RELL1: variants seen among roughly 807,000 people sequenced by gnomAD.
The protein encoded by RELL1 is RELT like 1.
In RELL1, 10 loss-of-function variants were observed where a neutral mutation model predicts 23.0. That is an observed-to-expected ratio of 0.43 (90% CI 0.27 to 0.74). The LOEUF is 0.74. RELL1 is among the 30% of genes least tolerant of loss of function. The pLI is 0.19. For synonymous variants in RELL1, 146 were observed against 146.8 expected, an observed-to-expected ratio of 0.99 and a Z score of 0.04; for missense variants, 315 against 364.4, an observed-to-expected ratio of 0.86 and a Z score of 1.10.
intron 6 of RELL1, among the ~76,000 whole-genome samples, chr4:37,604,810 G>GACACAC (rs199773530): frequency 0.013 from 947 of 73,334 alleles, 23 homozygotes; most frequent in African/African-American, 0.024. Context: ...CACACACACA[G>GACACAC]ACACACACAC....
intron 6 of RELL1, among the ~76,000 whole-genome samples, chr4:37,620,143 T>C (rs930817389): frequency 7.9e-5 from 12 of 152,200 alleles, no homozygotes; most frequent in Non-Finnish European, 1.8e-4. Context: ...GGTGTGTTTC[T>C]CCATTCAAAA....
intron 1 of RELL1, among the ~76,000 whole-genome samples, chr4:37,670,931 C>CA (rs1208775775): frequency 4.3e-4 from 66 of 152,300 alleles, no homozygotes; most frequent in African/African-American, 1.5e-3. Context: ...GTAAACTATG[C>CA]AATTTCAGAG....
Position 37,647,430 on chromosome 4 carries a change from T to C in RELL1, c.323A>G (p.Asp108Gly), listed in dbSNP as rs569875955. ...AGTGTCACTGTTTTCATTCACACTG[T>C]CATTCAATTCTGAAAGAGAAAAGAG... ...EEKVEKIELNDSVNENSDTVG... is the reference protein window; with the variant it reads ...EEKVEKIELNGSVNENSDTVG... Residue 108 changes from aspartate (D) to glycine (G), a missense_variant, in exon 3 of 7, where the codon GAC becomes GGC. By Grantham distance (94) the Asp-to-Gly change is moderately conservative. Coordinates refer to ENST00000454158, the MANE Select transcript of RELL1 (RefSeq NM_001085400.2). The C allele has an allele frequency of 6.2e-7, 1 of 1,611,490 alleles. No homozygotes were observed. Among genetic ancestry groups the C allele is most frequent in the Admixed American group, 1.7e-5 (1 of 60,010 alleles).
chr4:37,675,752 C>G (rs540110134), intron 1 of RELL1, among the ~76,000 whole-genome samples: 1 of 152,178 alleles, frequency 6.6e-6, no homozygotes, highest in East Asian at 1.9e-4. Context: ...AGGATACATA[C>G]AGCCCCAAGA....
At chr4:37,590,233 G>T (rs748121973), downstream of RELL1, 4 of 1,614,094 alleles carry the variant, frequency 2.5e-6, no homozygotes, top group Non-Finnish European at 3.4e-6. Context: ...TCAGAGGCAG[G>T]GCTCAAAGAA....
At chr4:37,633,629 G>A (rs928781208) in intron 5 of RELL1, among the ~76,000 whole-genome samples, 1 of 152,120 alleles carries the variant, frequency 6.6e-6, no homozygotes, top group African/African-American at 2.4e-5. Flanking sequence ...AAACAGCCCT[G>A]CAAGTCTTCT....
chr4:37,590,936 T>G (rs943276610), exon 7 of RELL1: 1 of 1,614,202 alleles, frequency 6.2e-7, no homozygotes, highest in Admixed American at 1.7e-5. Context: ...GATGCAGCGG[T>G]GGCGGAGGCC....
Position 37,669,408 on chromosome 4 carries a change from T to TG in RELL1, c.88+16791dup, listed in dbSNP as rs1156435596. On this transcript the variant is annotated intron_variant, in intron 1 of 6. Coordinates refer to ENST00000454158, the MANE Select transcript of RELL1 (RefSeq NM_001085400.2). Reference sequence around the variant, plus strand: ...CCAGCCGCCCCGTCCGGGAGGGAGGTGGGGGGGTCAGCCCCCCACCCGGCC... The same window carrying TG: ...CCAGCCGCCCCGTCCGGGAGGGAGGTGGGGGGGGTCAGCCCCCCACCCGGCC... 7.8e-4 allele frequency among the ~76,000 whole-genome samples: 78 copies of TG among 99,866 alleles called. 1 individual carries two copies. Among genetic ancestry groups the TG allele is most frequent in the African/African-American group, 2.7e-3 (67 of 25,274 alleles). 65.5% of individuals were successfully genotyped at this position (99,866 alleles called of 152,430 possible).
At chr4:37,607,808 T>C (rs1719269528), downstream of RELL1, among the ~76,000 whole-genome samples, 1 of 152,148 alleles carries the variant, frequency 6.6e-6, no homozygotes. Flanking sequence ...CAGGATGGTC[T>C]CGGTCTCCTG....
At chr4:37,619,327 C>T (rs1052014474) in intron 6 of RELL1, among the ~76,000 whole-genome samples, 44 of 151,778 alleles carry the variant, frequency 2.9e-4, no homozygotes, top group African/African-American at 1.0e-3. Flanking sequence ...GGACTACAGG[C>T]GTGCGGCATC....
At chr4:37,641,972 G>A (rs35777265) in intron 3 of RELL1, among the ~76,000 whole-genome samples, 15,386 of 152,130 alleles carry the variant, frequency 0.1, 973 homozygotes, top group Non-Finnish European at 0.15. Context: ...CTGACTGGCC[G>A]GAGTCACACA....
intron 2 of RELL1, among the ~76,000 whole-genome samples, 168 bp from the exon 3 acceptor site, chr4:37,647,607 A>G (rs904488946): frequency 2.0e-5 from 3 of 152,214 alleles, no homozygotes. Context: ...TTCCTAATGC[A>G]TAACAAGCAT....
chr4:37,590,628 T>C (rs3822186), downstream of RELL1: 1,952 of 1,614,094 alleles, frequency 1.2e-3, 37 homozygotes, highest in East Asian at 0.025. Flanking sequence ...ACCTTCAGCA[T>C]TGGGGCCCAG....
At chr4:37,605,793 G>GAGAA (rs771797298), downstream of RELL1, among the ~76,000 whole-genome samples, 11,227 of 89,936 alleles carry the variant, frequency 0.12, 740 homozygotes, top group East Asian at 0.15. Context: ...GAGAAAGAAA[G>GAGAA]AGAAAGAAAG....
intron 3 of RELL1, among the ~76,000 whole-genome samples, chr4:37,645,473 C>G (rs980741157): frequency 1.3e-5 from 2 of 152,188 alleles, no homozygotes. Context: ...GAAGGAAGGT[C>G]TCTGGAAGAC....
rs1553873315 is a variant in RELL1, at chr4:37,630,368, T to TTG, written c.*3+1016_*3+1017insCA. Among the ~76,000 whole-genome samples, 1,192 of 133,044 alleles carry TTG rather than the reference T, an allele frequency of 9.0e-3. 22 individuals carry two copies. Among genetic ancestry groups the TTG allele is most frequent in the Non-Finnish European group, 0.013 (839 of 63,142 alleles). 87.3% of individuals were successfully genotyped at this position (133,044 alleles called of 152,430 possible). A position where few individuals can be genotyped will look rare whatever the true frequency, so the allele number is the denominator to read the frequency against. On this transcript the variant is annotated intron_variant, in intron 6 of 6. Coordinates refer to ENST00000454158, the MANE Select transcript of RELL1 (RefSeq NM_001085400.2). ...GCGTGTGTGTGTGGTTTTTTTTTTTTTTTTTTTTTTTTTTGAGACCGAGTC... is the reference window on the plus strand; with the variant it reads ...GCGTGTGTGTGTGGTTTTTTTTTTTTTGTTTTTTTTTTTTTTGAGACCGAGTC...
At chr4:37,686,171 C>T (rs1408282125) in intron 1 of RELL1, 29 bp downstream of exon 1, 2 of 1,548,858 alleles carry the variant, frequency 1.3e-6, no homozygotes, top group Non-Finnish European at 8.7e-7. Flanking sequence ...GCTCAGCACC[C>T]GGCGCCCCGG....
chr4:37,622,913 T>C (rs1320273888), intron 6 of RELL1: 8 of 435,344 alleles, frequency 1.8e-5, no homozygotes, highest in Non-Finnish European at 1.4e-5. Context: ...CAACTGACTC[T>C]CCTGCCTCAG....
At chr4:37,593,580 C>A (rs1217699291) in intron 6 of RELL1, among the ~76,000 whole-genome samples, 1 of 152,216 alleles carries the variant, frequency 6.6e-6, no homozygotes, top group African/African-American at 2.4e-5. Context: ...TGGTCAAAAT[C>A]TGGTCACTTG....
Sources: gnomAD v4.1 joint callset for allele counts (sites outside exome capture counted in the v4.1 genomes callset) on GRCh38, gnomAD v4.1.1 for gene constraint, MANE v1.5 for transcripts, NCBI Gene and HGNC (gene_info 2026-07-23, HGNC 2026-07-21) for gene names.